The following OXCT1 variants were observed in gnomAD, a reference collection of about 807,000 sequenced individuals.
The protein encoded by OXCT1 is succinyl-CoA:3-ketoacid coenzyme A transferase 1, mitochondrial.
Under a neutral mutation model 69.6 loss-of-function variants are expected in OXCT1, and 27 were observed. The observed-to-expected ratio is 0.39, with a 90% confidence interval of 0.29 to 0.54. The LOEUF is 0.54. Ranked by LOEUF, OXCT1 falls within the 20% of genes least tolerant of loss-of-function variation. The probability of loss-of-function intolerance (pLI) is 0.72; values close to 1 mark genes in which losing one functional copy is unlikely to be tolerated. For synonymous variants in OXCT1, 202 were observed against 217.8 expected (o/e 0.93, Z 0.64); for missense variants, 437 against 650.2 (o/e 0.67, Z 3.57).
intron 13 of OXCT1, among the ~76,000 whole-genome samples, chr5:41,773,135 T>A (rs561896725): frequency 2.6e-4 from 40 of 152,276 alleles, no homozygotes; most frequent in Non-Finnish European, 5.9e-5. Context: ...AACAGGAGAT[T>A]CAAAGAGCAT....
At chr5:41,749,458 T>A (rs1743658266) in intron 15 of OXCT1, 69 bp downstream of exon 15, 2 of 915,696 alleles carry the variant, frequency 2.2e-6, no homozygotes, top group Non-Finnish European at 3.6e-6. Context: ...AATACACTCT[T>A]AGAAGGTAAC....
chr5:41,869,192 C>A (rs1254376572), intron 1 of OXCT1, among the ~76,000 whole-genome samples: 1 of 152,164 alleles, frequency 6.6e-6, no homozygotes, highest in Admixed American at 6.5e-5. Context: ...TAGCACCTAC[C>A]GAAGGAGCTC....
At chr5:41,821,385 G>T (rs1747539777) in intron 7 of OXCT1, among the ~76,000 whole-genome samples, 3 of 152,160 alleles carry the variant, frequency 2.0e-5, no homozygotes, top group Admixed American at 2.0e-4. Context: ...GCATGAACAA[G>T]TCTATCACAT....
At chr5:41,840,206 T>C (rs184046532) in intron 7 of OXCT1, among the ~76,000 whole-genome samples, 49 of 152,326 alleles carry the variant, frequency 3.2e-4, no homozygotes, top group Admixed American at 2.9e-3. Flanking sequence ...AAGACTTTTA[T>C]AAGCTGGTCC....
intron 13 of OXCT1, among the ~76,000 whole-genome samples, chr5:41,787,085 G>A (rs1374520473): frequency 6.6e-6 from 1 of 152,096 alleles, no homozygotes; most frequent in Non-Finnish European, 1.5e-5. Context: ...TACCAGTGTT[G>A]GTAATAGAGT....
chr5:41,748,215 C>T (rs968357470), intron 15 of OXCT1, among the ~76,000 whole-genome samples: 34 of 151,908 alleles, frequency 2.2e-4, no homozygotes, highest in African/African-American at 8.2e-4. Context: ...AGGGAAAATG[C>T]ATTAGGTTTA....
intron 7 of OXCT1, among the ~76,000 whole-genome samples, chr5:41,823,387 G>T (rs1197773658): frequency 6.6e-6 from 1 of 152,110 alleles, no homozygotes; most frequent in Non-Finnish European, 1.5e-5. Flanking sequence ...CCCCTCCCAA[G>T]ACCAGACCAC....
chr5:41,820,479 A>G (rs1747493167), intron 7 of OXCT1, among the ~76,000 whole-genome samples: 1 of 152,216 alleles, frequency 6.6e-6, no homozygotes, highest in Admixed American at 6.5e-5. Context: ...TGAAAGATGG[A>G]AAACATGAAA....
chr5:41,756,733 G>A (rs748704128), intron 14 of OXCT1, among the ~76,000 whole-genome samples: 8 of 152,050 alleles, frequency 5.3e-5, no homozygotes, highest in Non-Finnish European at 8.8e-5. Context: ...GTCTGAAGAC[G>A]GAAGAGTTCT....
chr5:41,813,254 A>G (rs549458843), intron 7 of OXCT1, among the ~76,000 whole-genome samples: 1 of 152,178 alleles, frequency 6.6e-6, no homozygotes, highest in African/African-American at 2.4e-5. Flanking sequence ...TTGGCAAGGA[A>G]GAAAACAGAA....
Position 41,785,686 on chromosome 5 carries a change from T to C in OXCT1, c.1248+8317A>G, listed in dbSNP as rs144932156. ...AGGGGATACCAGCATGTAGGATAGA[T>C]GCTCAGAAGTAGAATTTACAAAGGA... On this transcript the variant is annotated intron_variant, in intron 13 of 16. Transcript: ENST00000196371. Among the ~76,000 whole-genome samples the C allele has an allele frequency of 4.4e-3, 663 of 152,248 alleles. 4 individuals carry two copies. The highest frequency in any genetic ancestry group is 0.014 in the Middle Eastern group (4 of 294).
At chr5:41,759,338 T>A (rs1265892433) in intron 14 of OXCT1, among the ~76,000 whole-genome samples, 1 of 152,130 alleles carries the variant, frequency 6.6e-6, no homozygotes, top group Admixed American at 6.5e-5. Flanking sequence ...TGGTAAGGAC[T>A]CAGATTGTTA....
At chr5:41,783,750 T>G (rs1745520840) in intron 13 of OXCT1, among the ~76,000 whole-genome samples, 1 of 152,182 alleles carries the variant, frequency 6.6e-6, no homozygotes, top group Admixed American at 6.5e-5. Context: ...CAGCATGGTT[T>G]GGAATCAGGT....
chr5:41,868,218 A>C (rs1750091474), intron 1 of OXCT1, among the ~76,000 whole-genome samples: 2 of 152,242 alleles, frequency 1.3e-5, no homozygotes, highest in South Asian at 4.1e-4. Context: ...GGAAAAACTC[A>C]AGGTTTCTGT....
intron 7 of OXCT1, among the ~76,000 whole-genome samples, chr5:41,810,188 A>G (rs1467501874): frequency 2.0e-5 from 3 of 152,068 alleles, no homozygotes; most frequent in African/African-American, 7.2e-5. Context: ...GGAAGGAGCA[A>G]TGGGAGGATT....
At chr5:41,737,360 T>G (rs186595152) in intron 16 of OXCT1, among the ~76,000 whole-genome samples, 1 of 152,310 alleles carries the variant, frequency 6.6e-6, no homozygotes, top group Non-Finnish European at 1.5e-5. Context: ...CAGTAAAAAC[T>G]CATATTTTCA....
intron 3 of OXCT1, among the ~76,000 whole-genome samples, chr5:41,855,597 A>C (rs1429710317): frequency 6.6e-6 from 1 of 152,200 alleles, no homozygotes; most frequent in Non-Finnish European, 1.5e-5. Flanking sequence ...AAACTCCGTT[A>C]CTGAGTGCTT....
chr5:41,748,327 G>T (rs538825579), intron 15 of OXCT1, among the ~76,000 whole-genome samples: 135 of 151,946 alleles, frequency 8.9e-4, no homozygotes, highest in Admixed American at 3.0e-3. Flanking sequence ...GTGGAGATGA[G>T]GAGAGGGCTG....
chr5:41,838,487 CCTT>C (rs1748478429), intron 7 of OXCT1, among the ~76,000 whole-genome samples: 1 of 152,080 alleles, frequency 6.6e-6, no homozygotes, highest in South Asian at 2.1e-4. Flanking sequence ...TATTCTTGAT[CCTT>C]CTAATCCAGC....
Sources: gnomAD v4.1 joint callset for allele counts (sites outside exome capture counted in the v4.1 genomes callset) on GRCh38, gnomAD v4.1.1 for gene constraint, MANE v1.5 for transcripts, NCBI Gene and HGNC (gene_info 2026-07-23, HGNC 2026-07-21) for gene names.